RELCH: variants seen among roughly 807,000 people sequenced by gnomAD.
The protein encoded by RELCH is RAB11-binding protein RELCH.
In RELCH, 41 loss-of-function variants were observed where a neutral mutation model predicts 150.3. The observed-to-expected ratio is 0.27, with a 90% CI of 0.21 to 0.35. The LOEUF is 0.35. Among genes scored for constraint, RELCH ranks in the 10% least tolerant of loss-of-function variants. RELCH has a pLI of 1.00. For missense variants in RELCH, 1,092 were observed against 1,467.8 expected, an observed-to-expected ratio of 0.74 and a Z score of 4.18; for synonymous variants, 478 against 531.8, an observed-to-expected ratio of 0.90 and a Z score of 1.39.
chr18:62,296,540 C>T (rs1032953710), intron 27 of RELCH, among the ~76,000 whole-genome samples: 10 of 151,862 alleles, frequency 6.6e-5, no homozygotes, highest in Non-Finnish European at 1.2e-4. Flanking sequence ...GAGCCAAGAT[C>T]ACGCCATTGC....
At chr18:62,218,035 G>A (rs1400857467) in intron 2 of RELCH, among the ~76,000 whole-genome samples, 1 of 151,984 alleles carries the variant, frequency 6.6e-6, no homozygotes, top group African/African-American at 2.4e-5. Flanking sequence ...TAAAGGTGAT[G>A]ATAGTACTGC....
At chr18:62,226,852 C>T (rs888999401) in intron 5 of RELCH, among the ~76,000 whole-genome samples, 2 of 152,068 alleles carry the variant, frequency 1.3e-5, no homozygotes, top group South Asian at 4.2e-4. Context: ...GGAACATACA[C>T]TTTGATATTA....
intron 26 of RELCH, among the ~76,000 whole-genome samples, chr18:62,288,592 A>G (rs2044944846): frequency 1.3e-5 from 2 of 152,128 alleles, no homozygotes; most frequent in African/African-American, 4.8e-5. Context: ...TTATGTTGGA[A>G]ATCTATTACA....
intron 1 of RELCH, among the ~76,000 whole-genome samples, chr18:62,197,804 A>G (rs1012418710): frequency 1.3e-5 from 2 of 152,230 alleles, no homozygotes; most frequent in African/African-American, 4.8e-5. Context: ...GTGTGAACAA[A>G]TAGAGAAATA....
At chr18:62,279,105 T>TG (rs1365011645) in intron 22 of RELCH, among the ~76,000 whole-genome samples, 1 of 152,120 alleles carries the variant, frequency 6.6e-6, no homozygotes, top group Non-Finnish European at 1.5e-5. Flanking sequence ...TGAGAAAACT[T>TG]GCGTTTCAAG....
chr18:62,250,656 G>T (rs1474202464), intron 11 of RELCH, among the ~76,000 whole-genome samples: 1 of 152,190 alleles, frequency 6.6e-6, no homozygotes, highest in Non-Finnish European at 1.5e-5. Flanking sequence ...GAAGCTGCTT[G>T]CAATGTACAG....
chr18:62,210,923 CCT>C (rs1491356941), intron 1 of RELCH, among the ~76,000 whole-genome samples: 4 of 152,066 alleles, frequency 2.6e-5, no homozygotes, highest in Admixed American at 6.6e-5. Flanking sequence ...TGCAATATTC[CCT>C]GTGTGTGCAT....
intron 25 of RELCH, among the ~76,000 whole-genome samples, chr18:62,284,985 A>AT (rs1418210498): frequency 6.6e-6 from 1 of 151,926 alleles, no homozygotes; most frequent in South Asian, 2.1e-4. Flanking sequence ...TCCATTTCTG[A>AT]TTTTTTCCCC....
Position 62,264,055 on chromosome 18 carries a change from A to G in RELCH, c.2417A>G (p.Gln806Arg). The change falls in exon 17 of 29, where the codon CAA (glutamine) becomes CGA (arginine). Residue 806 changes from glutamine (Q) to arginine (R), a missense_variant. By Grantham distance (43) the Gln-to-Arg change is conservative. Coordinates refer to ENST00000644646, the MANE Select transcript of RELCH (RefSeq NM_001346231.2). ...TCCACTATTATCGGAAGTCGTGAGC[A>G]ATTGGCAGTGCTGCTGCAACTTTAT... ...DVSTIIGSRE[Q>R]LAVLLQLYDY... 6.2e-7 allele frequency: 1 copy of G among 1,608,620 alleles called. No individual in the cohort carries two copies. Among genetic ancestry groups the G allele is most frequent in the Non-Finnish European group, 8.5e-7 (1 of 1,177,730 alleles).
At chr18:62,257,927 T>C (rs1183606033) in intron 13 of RELCH, 21 bp from the exon 14 acceptor site, 1 of 1,569,538 alleles carries the variant, frequency 6.4e-7, no homozygotes, top group African/African-American at 1.4e-5. Flanking sequence ...AAATAAATAG[T>C]AAAAACATGT....
At chr18:62,236,386 T>A (rs1372123715) in intron 10 of RELCH, among the ~76,000 whole-genome samples, 1 of 151,954 alleles carries the variant, frequency 6.6e-6, no homozygotes, top group East Asian at 1.9e-4. Flanking sequence ...TTTTTTTGTC[T>A]ATATTCATAA....
At position 62,308,675 on chromosome 18, in the gene RELCH, C is replaced by T. The variant is rs1270544109; in HGVS notation, c.*3141C>T. ...GAGATTGCAGTGGGCCGCTATTGCA[C>T]CACTGCACTCCAGCCTGGTCCACAG... On this transcript the variant is annotated 3_prime_UTR_variant, in exon 29 of 29. Transcript: ENST00000644646. The T allele has an allele frequency of 2.0e-5, 3 of 152,060 alleles. No individual in the cohort carries two copies. The highest frequency in any genetic ancestry group is 1.3e-4 in the Admixed American group (2 of 15,270). The allele number at this position is 152,060 out of a possible 1,614,324, so 9.4% of individuals were successfully genotyped here.
At chr18:62,261,116 C>T (rs1013496954) in intron 15 of RELCH, among the ~76,000 whole-genome samples, 7 of 151,980 alleles carry the variant, frequency 4.6e-5, no homozygotes, top group Non-Finnish European at 8.8e-5. Context: ...TCAATCATTA[C>T]ACATTGTATG....
intron 1 of RELCH, among the ~76,000 whole-genome samples, chr18:62,188,398 G>A (rs1255225259): frequency 6.6e-6 from 1 of 152,150 alleles, no homozygotes; most frequent in Non-Finnish European, 1.5e-5. Context: ...ACACTACCAG[G>A]AAATAGTGTT....
Position 62,282,344 on chromosome 18 carries a change from G to A in RELCH, c.3153G>A (p.Leu1051=). Reference sequence around the variant, plus strand: ...TGAAAATGCAGTTGGCTTCTTTCCTGGAAGATCCTCAGTATCAAGACCAAC... The same window carrying A: ...TGAAAATGCAGTTGGCTTCTTTCCTAGAAGATCCTCAGTATCAAGACCAAC... ...ERVKMQLASF[L]EDPQYQDQHS... The change falls in exon 25 of 29, where the codon CTG becomes CTA. Residue 1051 remains leucine (L), a synonymous_variant. Transcript: ENST00000644646. 1 of 1,613,046 alleles carries A rather than the reference G, an allele frequency of 6.2e-7. No homozygotes were observed.
At chr18:62,280,842 C>G (rs1021616930) in intron 24 of RELCH, 133 bp downstream of exon 24, 67 of 602,736 alleles carry the variant, frequency 1.1e-4, no homozygotes, top group Admixed American at 2.3e-4. Flanking sequence ...AGAGGAGGAT[C>G]TCACTGTGAA....
chr18:62,246,306 G>A (rs929293263), intron 11 of RELCH: 2 of 152,092 alleles, frequency 1.3e-5, no homozygotes, highest in Non-Finnish European at 2.9e-5. Flanking sequence ...TTAGAAATAT[G>A]TGTATATATA....
In RELCH at chr18:62,306,938, G is replaced by C. The variant is rs769322604; in HGVS notation, c.*1404G>C. On this transcript the variant is annotated 3_prime_UTR_variant, in exon 29 of 29. Transcript: ENST00000644646. ...CAAGTTTATAAAACAATTTGCCATAGGCAAAGCCATTTAAAAAGTTCATTC... is the reference window on the plus strand; with the variant it reads ...CAAGTTTATAAAACAATTTGCCATACGCAAAGCCATTTAAAAAGTTCATTC... 2 of 152,544 alleles carry C rather than the reference G, an allele frequency of 1.3e-5. No individual in the cohort carries two copies. Among genetic ancestry groups the C allele is most frequent in the Non-Finnish European group, 2.9e-5 (2 of 68,000 alleles). The allele number at this position is 152,544 out of a possible 1,614,324, so 9.4% of individuals were successfully genotyped here.
intron 5 of RELCH, 134 bp from the exon 6 acceptor site, chr18:62,227,155 C>CCACT: frequency 1.6e-6 from 1 of 617,020 alleles, no homozygotes; most frequent in East Asian, 2.9e-5. Context: ...TATGATTGTG[C>CCACT]CACTGTACTC....
Sources: allele counts gnomAD v4.1 joint callset (sites outside exome capture counted in the v4.1 genomes callset), GRCh38; gene constraint gnomAD v4.1.1; transcripts MANE v1.5; gene names NCBI Gene and HGNC (gene_info 2026-07-23, HGNC 2026-07-21).